FGF14: variants seen among roughly 807,000 people sequenced by gnomAD.
FGF14 encodes fibroblast growth factor homologous factor 4.
In FGF14, 5 loss-of-function variants were observed where a neutral mutation model predicts 25.5. The observed-to-expected ratio is 0.20, with a 90% CI of 0.10 to 0.41. FGF14 has a LOEUF of 0.41. FGF14 is among the 10% of genes least tolerant of loss of function. The pLI, the probability that FGF14 is intolerant of heterozygous loss-of-function variation, is 1.00. For missense variants in FGF14, 222 were observed against 320.1 expected (o/e 0.69, Z 2.34); for synonymous variants, 138 against 118.3 (o/e 1.17, Z -1.08).
At chr13:101,975,058 C>A (rs564109547) in intron 1 of FGF14, among the ~76,000 whole-genome samples, 1 of 151,930 alleles carries the variant, frequency 6.6e-6, no homozygotes, top group Admixed American at 6.6e-5. Context: ...TGAAGGGATG[C>A]GTTGATTGAG....
intron 1 of FGF14, among the ~76,000 whole-genome samples, chr13:102,399,897 A>G (rs1250790275): frequency 1.3e-5 from 2 of 152,110 alleles, no homozygotes; most frequent in Non-Finnish European, 2.9e-5. Context: ...CAGAGCCTCA[A>G]TTGCCACCCC....
intron 1 of FGF14, among the ~76,000 whole-genome samples, chr13:102,340,252 C>T (rs2056909099): frequency 6.6e-6 from 1 of 152,220 alleles, no homozygotes; most frequent in East Asian, 1.9e-4. Flanking sequence ...GCCATTTTGG[C>T]GAATCCCTTA....
At chr13:102,098,870 T>C (rs937552582) in intron 1 of FGF14, among the ~76,000 whole-genome samples, 4 of 152,144 alleles carry the variant, frequency 2.6e-5, no homozygotes, top group African/African-American at 7.2e-5. Flanking sequence ...AACTTAGACT[T>C]CAAAATGTAA....
At chr13:101,905,491 G>A (rs1205296705) in intron 1 of FGF14, among the ~76,000 whole-genome samples, 1 of 152,078 alleles carries the variant, frequency 6.6e-6, no homozygotes, top group African/African-American at 2.4e-5. Context: ...TCATAAGTGG[G>A]AGTTGGACAA....
chr13:102,226,850 C>A (rs2050847281), intron 1 of FGF14, among the ~76,000 whole-genome samples: 1 of 152,164 alleles, frequency 6.6e-6, no homozygotes, highest in African/African-American at 2.4e-5. Context: ...AGTTTAACCA[C>A]ACATTCTACC....
intron 1 of FGF14, among the ~76,000 whole-genome samples, chr13:101,891,521 A>G (rs2046266771): frequency 6.6e-6 from 1 of 152,186 alleles, no homozygotes. Context: ...CAACAGTAAT[A>G]AGAATGACAG....
At chr13:102,063,719 A>T (rs928992448) in intron 1 of FGF14, among the ~76,000 whole-genome samples, 1 of 152,220 alleles carries the variant, frequency 6.6e-6, no homozygotes, top group Non-Finnish European at 1.5e-5. Flanking sequence ...ATCTGAAGAT[A>T]CAGGTAATGC....
intron 1 of FGF14, among the ~76,000 whole-genome samples, chr13:102,221,531 C>T (rs991326981): frequency 7.2e-5 from 11 of 151,820 alleles, no homozygotes; most frequent in East Asian, 3.9e-4. Flanking sequence ...AAAAGGAGAC[C>T]GCATATAATA....
At chr13:102,105,007 A>C (rs2044839552) in intron 1 of FGF14, among the ~76,000 whole-genome samples, 1 of 152,222 alleles carries the variant, frequency 6.6e-6, no homozygotes, top group African/African-American at 2.4e-5. Context: ...AACCAAATCC[A>C]GGATACACAG....
At chr13:102,161,740 A>C (rs992585699) in intron 1 of FGF14, among the ~76,000 whole-genome samples, 2 of 151,876 alleles carry the variant, frequency 1.3e-5, no homozygotes, top group African/African-American at 4.8e-5. Context: ...AAATGTGTTT[A>C]AGAATTCCTC....
At position 102,031,473 on chromosome 13, in the gene FGF14, C is replaced by T. The variant is rs368787918; in HGVS notation, c.209-156177G>A. On this transcript the variant is annotated intron_variant, in intron 1 of 4. Coordinates refer to the FGF14 transcript ENST00000376131. ...AGATCTGAGTTACTATAAAGCCATG[C>T]TTTTTTCACTAAAAGTTCTTCCTCT... Among the ~76,000 whole-genome samples the T allele has an allele frequency of 2.6e-5, 4 of 152,120 alleles. No individual in the cohort carries two copies. The South Asian group carries it at 6.2e-4, about 24-fold the overall frequency.
chr13:102,021,735 G>T (rs1051753936), intron 1 of FGF14, among the ~76,000 whole-genome samples: 1 of 152,016 alleles, frequency 6.6e-6, no homozygotes, highest in Non-Finnish European at 1.5e-5. Context: ...TATACTCACT[G>T]CCAGAAATAC....
At chr13:101,964,345 G>T (rs1249291292) in intron 1 of FGF14, among the ~76,000 whole-genome samples, 1 of 152,104 alleles carries the variant, frequency 6.6e-6, no homozygotes, top group Non-Finnish European at 1.5e-5. Context: ...CCCACAACTG[G>T]ATACGAAATG....
intron 1 of FGF14, among the ~76,000 whole-genome samples, chr13:101,937,261 G>A (rs892504672): frequency 6.6e-6 from 1 of 152,168 alleles, no homozygotes; most frequent in Non-Finnish European, 1.5e-5. Flanking sequence ...AATTGTTACA[G>A]GCTGAATTAT....
chr13:101,850,506 A>C (rs1171355510), intron 3 of FGF14, among the ~76,000 whole-genome samples: 1 of 3,302 alleles, frequency 3.0e-4, no homozygotes, highest in Non-Finnish European at 6.0e-4. Flanking sequence ...ATATATATAT[A>C]TATATATAGA....
intron 1 of FGF14, among the ~76,000 whole-genome samples, chr13:102,361,596 C>T (rs1016369260): frequency 6.6e-6 from 1 of 152,114 alleles, no homozygotes; most frequent in Non-Finnish European, 1.5e-5. Context: ...TTTTCTGCAC[C>T]GTTTGCCACT....
At chr13:102,280,994 A>G (rs1051717209) in intron 1 of FGF14, among the ~76,000 whole-genome samples, 2 of 152,172 alleles carry the variant, frequency 1.3e-5, no homozygotes, top group Non-Finnish European at 2.9e-5. Context: ...AACAGGATAA[A>G]AAGGTGCTTT....
rs9585854 is a variant in FGF14, at chr13:102,142,049, T to C, written c.208+259422A>G. On this transcript the variant is annotated intron_variant, in intron 1 of 4. Coordinates refer to the FGF14 transcript ENST00000376131. Reference sequence around the variant, plus strand: ...TAAGAAATATCAATGGTTCATAAGATTTTAGACACAAATAATAAAAATTAA... The same window carrying C: ...TAAGAAATATCAATGGTTCATAAGACTTTAGACACAAATAATAAAAATTAA... Among the ~76,000 whole-genome samples, 773 of 152,248 alleles carry C rather than the reference T, an allele frequency of 5.1e-3. 5 individuals are homozygous for C. The highest frequency in any genetic ancestry group is 0.016 in the African/African-American group (680 of 41,536).
chr13:101,918,694 T>C (rs531622157), upstream of FGF14, among the ~76,000 whole-genome samples: 18 of 152,378 alleles, frequency 1.2e-4, no homozygotes, highest in African/African-American at 4.3e-4. Context: ...CAGCCACTGC[T>C]GGGCTGTTGT....
Sources: gnomAD v4.1 joint callset for allele counts (sites outside exome capture counted in the v4.1 genomes callset) on GRCh38, gnomAD v4.1.1 for gene constraint, MANE v1.5 for transcripts, NCBI Gene and HGNC (gene_info 2026-07-23, HGNC 2026-07-21) for gene names.